BRWD1: variants seen among roughly 807,000 people sequenced by gnomAD.
BRWD1 encodes the protein bromodomain and WD repeat-containing protein 1.
BRWD1 carries 82 observed loss-of-function variants against 251.2 expected under a neutral mutation model. That is an observed-to-expected ratio of 0.33 (90% CI 0.27 to 0.39). The LOEUF (loss-of-function observed/expected upper bound fraction) is 0.39, where lower values mean the gene tolerates loss of function less well. BRWD1 is among the 10% of genes least tolerant of loss of function. The pLI, the probability that BRWD1 is intolerant of heterozygous loss-of-function variation, is 1.00. For synonymous variants in BRWD1, 918 were observed against 902.8 expected, an observed-to-expected ratio of 1.02 and a Z score of -0.30; for missense variants, 2,233 against 2,711.6, an observed-to-expected ratio of 0.82 and a Z score of 3.92.
At chr21:39,203,807 G>T (rs1028649636) in intron 37 of BRWD1, among the ~76,000 whole-genome samples, 6 of 149,806 alleles carry the variant, frequency 4.0e-5, no homozygotes, top group African/African-American at 1.5e-4. Flanking sequence ...AATTGTCAAG[G>T]CTGTAATATC....
chr21:39,205,698 G>C (rs1008756018), intron 37 of BRWD1, among the ~76,000 whole-genome samples: 2 of 152,168 alleles, frequency 1.3e-5, no homozygotes, highest in Non-Finnish European at 1.5e-5. Flanking sequence ...CTTGACCCGG[G>C]AGGCAGAGGT....
chr21:39,295,527 A>G (rs1309576421), intron 7 of BRWD1, among the ~76,000 whole-genome samples: 2 of 152,176 alleles, frequency 1.3e-5, no homozygotes, highest in Non-Finnish European at 2.9e-5. Flanking sequence ...ATCACATTTA[A>G]GAACGACTAC....
chr21:39,313,950 G>C, upstream of BRWD1: 1 of 347,178 alleles, frequency 2.9e-6, no homozygotes, highest in Non-Finnish European at 5.6e-6. Flanking sequence ...GGGTGCCGGG[G>C]GCGGAAGCGC....
At chr21:39,294,986 C>G (rs951991601) in intron 7 of BRWD1, among the ~76,000 whole-genome samples, 1 of 152,154 alleles carries the variant, frequency 6.6e-6, no homozygotes, top group South Asian at 2.1e-4. Flanking sequence ...CTTACTTGAA[C>G]ACTAATGGGT....
At chr21:39,306,754 T>C (rs1027461393) in intron 4 of BRWD1, among the ~76,000 whole-genome samples, 1 of 152,214 alleles carries the variant, frequency 6.6e-6, no homozygotes, top group African/African-American at 2.4e-5. Context: ...GAATTGCAAG[T>C]AGTCATTTTT....
chr21:39,202,924 C>G (rs1055054989), intron 37 of BRWD1, among the ~76,000 whole-genome samples: 3 of 152,178 alleles, frequency 2.0e-5, no homozygotes, highest in African/African-American at 7.2e-5. Context: ...TCTCTTATTT[C>G]TATGTCCCTA....
At chr21:39,233,097 A>G (rs959739880) in intron 23 of BRWD1, among the ~76,000 whole-genome samples, 15 of 152,266 alleles carry the variant, frequency 9.9e-5, no homozygotes, top group African/African-American at 2.6e-4. Context: ...GAGGAAAATC[A>G]TAACTCAAGC....
At chr21:39,254,769 A>G (rs536652174) in intron 19 of BRWD1, among the ~76,000 whole-genome samples, 46 of 152,312 alleles carry the variant, frequency 3.0e-4, no homozygotes, top group Non-Finnish European at 5.0e-4. Context: ...AAATTAATGA[A>G]TCTACACATT....
At position 39,216,565 on chromosome 21, in the gene BRWD1, T is replaced by G. The variant is rs1038080029; in HGVS notation, c.3660-1203A>C. The G allele has an allele frequency of 7.7e-5, 16 of 207,318 alleles. No individual in the cohort carries two copies. In the South Asian group the frequency reaches 1.1e-3, roughly 15 times the overall value. 12.8% of individuals were successfully genotyped at this position (207,318 alleles called of 1,614,324 possible). On this transcript the variant is annotated intron_variant, in intron 31 of 40. Coordinates refer to ENST00000342449, the MANE Select transcript of BRWD1 (RefSeq NM_033656.4). ...CTTACTGGAGACACTCAAGGATAGGTTGAACAACTATTTTTCCAGAGCAGA... is the reference window on the plus strand; with the variant it reads ...CTTACTGGAGACACTCAAGGATAGGGTGAACAACTATTTTTCCAGAGCAGA...
At chr21:39,208,899 T>C (rs2032532566) in intron 36 of BRWD1, among the ~76,000 whole-genome samples, 1 of 151,512 alleles carries the variant, frequency 6.6e-6, no homozygotes, top group Non-Finnish European at 1.5e-5. Flanking sequence ...AACAAAACTT[T>C]AGTAACCTTC....
chr21:39,314,710 G>C (rs2036660334), upstream of BRWD1: 2 of 254,976 alleles, frequency 7.8e-6, no homozygotes, highest in South Asian at 3.9e-5. Flanking sequence ...TAACAATTCT[G>C]ATTCTTACTC....
chr21:39,297,149 A>C (rs1442395729), intron 5 of BRWD1: 2 of 985,428 alleles, frequency 2.0e-6, no homozygotes, highest in Non-Finnish European at 2.4e-6. Context: ...CCTCTATAGG[A>C]GATAGCAGCA....
At chr21:39,296,882 T>C (rs1231357733) in intron 5 of BRWD1, 1 of 982,798 alleles carries the variant, frequency 1.0e-6, no homozygotes, top group African/African-American at 1.7e-5. Flanking sequence ...GAAGCTTTTA[T>C]AAGGAAAAAG....
chr21:39,253,388 TC>T (rs1052159233), intron 19 of BRWD1, among the ~76,000 whole-genome samples: 6 of 151,626 alleles, frequency 4.0e-5, no homozygotes, highest in Non-Finnish European at 7.4e-5. Flanking sequence ...GAACCACTAT[TC>T]CAGCCTTAGA....
At chr21:39,249,623 A>G (rs774194832) in intron 20 of BRWD1, among the ~76,000 whole-genome samples, 15 of 152,208 alleles carry the variant, frequency 9.9e-5, no homozygotes, top group Non-Finnish European at 1.8e-4. Context: ...CAATTTTCAC[A>G]TGAGTGGCCA....
upstream of BRWD1, chr21:39,314,611 T>A (rs2036656897): frequency 2.9e-6 from 1 of 340,610 alleles, no homozygotes; most frequent in Non-Finnish European, 5.8e-6. Flanking sequence ...TAACTATGAG[T>A]TTCCTCCGCG....
chr21:39,279,657 GAAAAAAA>G (rs762764578), intron 9 of BRWD1, among the ~76,000 whole-genome samples: 34,588 of 110,908 alleles, frequency 0.31, 5,210 homozygotes, highest in Middle Eastern at 0.39. Context: ...AAAAAAAAAA[GAAAAAAA>G]AAAAGAAAAC....
At chr21:39,241,581 T>C (rs1458049807) in intron 21 of BRWD1, among the ~76,000 whole-genome samples, 1 of 141,018 alleles carries the variant, frequency 7.1e-6, no homozygotes, top group Non-Finnish European at 1.5e-5. Flanking sequence ...TACAAACGGG[T>C]ATCATTAAAA....
At chr21:39,185,075 T>C (rs2031136451), downstream of BRWD1, 1 of 152,124 alleles carries the variant, frequency 6.6e-6, no homozygotes. Flanking sequence ...AGAACAATTT[T>C]ACAATGTTAA....
Sources: allele counts gnomAD v4.1 joint callset (sites outside exome capture counted in the v4.1 genomes callset), GRCh38; gene constraint gnomAD v4.1.1; transcripts MANE v1.5; gene names NCBI Gene and HGNC (gene_info 2026-07-23, HGNC 2026-07-21).